ST18: variants seen among roughly 807,000 people sequenced by gnomAD.
ST18 encodes the protein suppression of tumorigenicity 18 protein.
A neutral mutation model predicts 110.0 loss-of-function variants in ST18; 50 were observed. The observed-to-expected ratio is 0.45, with a 90% confidence interval of 0.36 to 0.58. ST18 has a LOEUF of 0.58. ST18 is among the 20% of genes least tolerant of loss of function. The pLI is 0.00. For missense variants in ST18, 1,306 were observed against 1,280.1 expected (o/e 1.02, Z -0.31); for synonymous variants, 461 against 452.4 (o/e 1.02, Z -0.24).
chr8:52,343,105 G>A (rs1169767536), intron 2 of ST18, among the ~76,000 whole-genome samples: 1 of 152,092 alleles, frequency 6.6e-6, no homozygotes, highest in African/African-American at 2.4e-5. Context: ...AGCAGGATGA[G>A]GAAGAGGTGC....
intron 10 of ST18, among the ~76,000 whole-genome samples, chr8:52,171,312 G>A (rs944600044): frequency 6.6e-6 from 1 of 152,146 alleles, no homozygotes; most frequent in Non-Finnish European, 1.5e-5. Context: ...TATGAGCCCC[G>A]AGTTAGAAAG....
chr8:52,290,119 C>T (rs931479651), intron 2 of ST18, among the ~76,000 whole-genome samples: 1 of 152,140 alleles, frequency 6.6e-6, no homozygotes, highest in Non-Finnish European at 1.5e-5. Context: ...GACCATCTAT[C>T]TCCTGCAGCT....
At position 52,225,911 on chromosome 8, in the gene ST18, C is replaced by CA. The variant is rs1466883375; in HGVS notation, c.-418-4119dup. ...GGTAAAAGCATAATCATAGCTAATG[C>CA]AAAAAAATGACAGAAGATTGAAACT... is the stretch of plus-strand genomic sequence containing the variant. On this transcript the variant is annotated intron_variant, in intron 3 of 25. Transcript: ENST00000689386. Among the ~76,000 whole-genome samples the CA allele has an allele frequency of 2.6e-5, 4 of 151,988 alleles. No homozygotes were observed. The East Asian group carries it at 7.7e-4, about 29-fold the overall frequency.
At chr8:52,331,829 A>G (rs1809562212) in intron 2 of ST18, among the ~76,000 whole-genome samples, 2 of 152,164 alleles carry the variant, frequency 1.3e-5, no homozygotes, top group South Asian at 4.1e-4. Flanking sequence ...ACCTATAATA[A>G]TTGATAATTG....
intron 2 of ST18, among the ~76,000 whole-genome samples, chr8:52,317,166 T>A (rs2096045210): frequency 1.3e-5 from 2 of 152,222 alleles, no homozygotes; most frequent in Admixed American, 1.3e-4. Flanking sequence ...CATGTTCTAA[T>A]CCCCAGAACC....
chr8:52,210,300 A>G (rs1178836623), intron 8 of ST18, among the ~76,000 whole-genome samples: 1 of 152,210 alleles, frequency 6.6e-6, no homozygotes, highest in Non-Finnish European at 1.5e-5. Flanking sequence ...AGGTTATTCA[A>G]CAATTTAATC....
intron 10 of ST18, among the ~76,000 whole-genome samples, chr8:52,167,420 TG>T (rs2063381779): frequency 1.3e-5 from 2 of 152,204 alleles, no homozygotes; most frequent in South Asian, 4.1e-4. Flanking sequence ...CCACCATATC[TG>T]AGAAAGACCT....
intron 2 of ST18, among the ~76,000 whole-genome samples, chr8:52,365,113 T>A (rs74634904): frequency 6.7e-6 from 1 of 149,278 alleles, no homozygotes; most frequent in African/African-American, 2.5e-5. Context: ...GACTCTGTCT[T>A]AAAAAAAAAA....
rs748991505 is a variant in ST18, at chr8:52,164,110, C to T, written c.1296-20G>A. The T allele has an allele frequency of 6.3e-7, 1 of 1,595,848 alleles. No individual in the cohort carries two copies. The highest frequency in any genetic ancestry group is 1.1e-5 in the South Asian group (1 of 90,712). ...GAAAGACTGTTTAAAAAAAGAAACA[C>T]AGGAGGATTTTAGTTAAAATGATAA... On this transcript the variant is annotated intron_variant, in intron 12 of 25. Coordinates refer to ENST00000689386, the MANE Select transcript of ST18 (RefSeq NM_001352837.2).
intron 2 of ST18, among the ~76,000 whole-genome samples, chr8:52,397,117 C>T (rs1841415033): frequency 6.6e-6 from 1 of 152,162 alleles, no homozygotes; most frequent in Non-Finnish European, 1.5e-5. Context: ...ACTGTGGTTC[C>T]CTTTTCTCCA....
chr8:52,131,931 A>C, intron 22 of ST18, 27 bp downstream of exon 22: 1 of 1,611,432 alleles, frequency 6.2e-7, no homozygotes, highest in Non-Finnish European at 8.5e-7. Flanking sequence ...ACAACACTAC[A>C]ACAAAAAGAC....
At position 52,116,338 on chromosome 8, in the gene ST18, T is replaced by G. The variant is rs569206286; in HGVS notation, c.2940A>C (p.Lys980Asn). ...GAGCTTGGCTTAGACCTGCCAGCTC[T>G]TTCAGCAGACTTTCATTGTTCTGTT... ...LIEQNNESLL[K>N]ELAGLSQALI... Residue 980 changes from lysine (K) to asparagine (N), a missense_variant, in exon 25 of 26, where the codon AAA becomes AAC. By Grantham distance (94) the Lys-to-Asn change is moderately conservative. Transcript: ENST00000689386. The G allele has an allele frequency of 5.6e-6, 9 of 1,614,080 alleles. No individual in the cohort carries two copies. In the South Asian group the frequency reaches 9.9e-5, roughly 18 times the overall value.
intron 2 of ST18, among the ~76,000 whole-genome samples, chr8:52,366,352 A>G (rs939507845): frequency 6.6e-6 from 1 of 151,878 alleles, no homozygotes; most frequent in Admixed American, 6.6e-5. Flanking sequence ...CATAAATCCC[A>G]CCATGTTTCC....
At position 52,394,395 on chromosome 8, in the gene ST18, G is replaced by A. The variant is rs151274271; in HGVS notation, c.-465+14933C>T. Among the ~76,000 whole-genome samples, 222 of 152,142 alleles carry A rather than the reference G, an allele frequency of 1.5e-3. 1 individual carries two copies. Among genetic ancestry groups the A allele is most frequent in the Non-Finnish European group, 2.6e-3 (176 of 67,998 alleles). On this transcript the variant is annotated intron_variant, in intron 2 of 25. Transcript: ENST00000689386. ...TACTCTTGAGGGAAGTGGAACTGGGGTAGACTGTAAGCCTCAAAACATACA... is the reference window on the plus strand; with the variant it reads ...TACTCTTGAGGGAAGTGGAACTGGGATAGACTGTAAGCCTCAAAACATACA...
chr8:52,238,501 G>A lies in ST18; in HGVS notation c.-464-8424C>T, dbSNP rs115470364. Among the ~76,000 whole-genome samples, 270 of 152,146 alleles carry A rather than the reference G, an allele frequency of 1.8e-3. 1 individual carries two copies. Among genetic ancestry groups the A allele is most frequent in the African/African-American group, 6.2e-3 (257 of 41,508 alleles). On this transcript the variant is annotated intron_variant, in intron 2 of 25. Transcript: ENST00000689386. Reference sequence around the variant, plus strand: ...ATACCACCACTGGTATCTACCCAAAGGAAAAAATTATTACACCAAAAAGAT... The same window carrying A: ...ATACCACCACTGGTATCTACCCAAAAGAAAAAATTATTACACCAAAAAGAT...
chr8:52,245,940 A>T (rs1026445456), intron 2 of ST18, among the ~76,000 whole-genome samples: 1 of 152,148 alleles, frequency 6.6e-6, no homozygotes, highest in African/African-American at 2.4e-5. Context: ...GAGATCGGAA[A>T]TTCTCAGCAA....
chr8:52,406,143 A>T (rs1844405852), intron 2 of ST18: 1 of 152,280 alleles, frequency 6.6e-6, no homozygotes, highest in Non-Finnish European at 1.5e-5. Flanking sequence ...GTCTAACTGC[A>T]CTGTCTGCCT....
chr8:52,261,056 C>A (rs1022500036), intron 2 of ST18, among the ~76,000 whole-genome samples: 2 of 152,168 alleles, frequency 1.3e-5, no homozygotes, highest in African/African-American at 4.8e-5. Flanking sequence ...ACCAACAAGC[C>A]TGTTGGCCAA....
chr8:52,336,746 C>T (rs947243570), intron 2 of ST18, among the ~76,000 whole-genome samples: 1 of 152,152 alleles, frequency 6.6e-6, no homozygotes, highest in South Asian at 2.1e-4. Flanking sequence ...AGAAAATATA[C>T]AAACACTGGA....
Sources: allele counts gnomAD v4.1 joint callset (sites outside exome capture counted in the v4.1 genomes callset), GRCh38; gene constraint gnomAD v4.1.1; transcripts MANE v1.5; gene names NCBI Gene and HGNC (gene_info 2026-07-23, HGNC 2026-07-21).